The following CFAP299 variants were observed in gnomAD, a reference collection of about 807,000 sequenced individuals.
CFAP299 encodes the protein cilia- and flagella-associated protein 299.
Under a neutral mutation model 27.0 loss-of-function variants are expected in CFAP299, and 21 were observed. The observed-to-expected ratio is 0.78, with a 90% CI of 0.55 to 1.12. CFAP299 has a LOEUF of 1.12. Among genes scored for constraint, CFAP299 ranks in the 50% most tolerant of loss-of-function variants. CFAP299 has a pLI of 0.00. For missense variants in CFAP299, 310 were observed against 276.6 expected (o/e 1.12, Z -0.86); for synonymous variants, 104 against 98.1 (o/e 1.06, Z -0.36).
chr4:80,680,139 T>C (rs1017790062), intron 3 of CFAP299, among the ~76,000 whole-genome samples: 3 of 152,066 alleles, frequency 2.0e-5, no homozygotes, highest in African/African-American at 7.2e-5. Flanking sequence ...AGAAGTCAAC[T>C]CTCATTTAAA....
intron 4 of CFAP299, among the ~76,000 whole-genome samples, chr4:80,938,348 C>A (rs953433626): frequency 6.6e-6 from 1 of 152,178 alleles, no homozygotes; most frequent in African/African-American, 2.4e-5. Context: ...ACCTGGCCCA[C>A]CCAGGGCGGA....
intron 3 of CFAP299, among the ~76,000 whole-genome samples, chr4:80,726,875 G>A (rs1398180077): frequency 6.6e-6 from 1 of 151,642 alleles, no homozygotes; most frequent in East Asian, 1.9e-4. Context: ...TTGGATACAG[G>A]TATGTGTTTA....
At chr4:80,676,728 A>G (rs1380665400) in intron 3 of CFAP299, among the ~76,000 whole-genome samples, 5 of 152,122 alleles carry the variant, frequency 3.3e-5, no homozygotes, top group South Asian at 2.1e-4. Flanking sequence ...AGGTTTTCCA[A>G]TGTATTGGCA....
chr4:80,951,422 A>G (rs1227552696), intron 5 of CFAP299, among the ~76,000 whole-genome samples: 1 of 152,218 alleles, frequency 6.6e-6, no homozygotes, highest in Non-Finnish European at 1.5e-5. Flanking sequence ...TATTAAGCCC[A>G]GACTCCTCTA....
intron 3 of CFAP299, among the ~76,000 whole-genome samples, chr4:80,669,474 G>C (rs554965710): frequency 4.6e-5 from 7 of 151,372 alleles, no homozygotes; most frequent in Non-Finnish European, 8.8e-5. Flanking sequence ...TTCTTTTTCA[G>C]ATTGTTTGCT....
rs890299709 is a variant in CFAP299, at chr4:80,390,810, T to C, written c.242+27926T>C. 3.6e-5 allele frequency among the ~76,000 whole-genome samples: 5 copies of C among 138,048 alleles called. No homozygotes were observed. In the East Asian group the frequency reaches 6.7e-4, roughly 18 times the overall value. 90.6% of individuals were successfully genotyped at this position (138,048 alleles called of 152,430 possible). A position where few individuals can be genotyped will look rare whatever the true frequency, so the allele number is the denominator to read the frequency against. On this transcript the variant is annotated intron_variant, in intron 2 of 5. Coordinates refer to ENST00000358105, the MANE Select transcript of CFAP299 (RefSeq NM_152770.3). ...ACATATATGTATATGTATATATGTA[T>C]ACACACATATATGTATATGTATATA... is the stretch of plus-strand genomic sequence containing the variant.
At chr4:80,954,404 A>G (rs1243945386) in intron 5 of CFAP299, among the ~76,000 whole-genome samples, 1 of 152,222 alleles carries the variant, frequency 6.6e-6, no homozygotes. Context: ...GAATTTTATT[A>G]GAATATGGAA....
intron 2 of CFAP299, among the ~76,000 whole-genome samples, chr4:80,420,624 T>C (rs775256225): frequency 6.6e-6 from 1 of 152,194 alleles, no homozygotes; most frequent in African/African-American, 2.4e-5. Context: ...TTATTTGTTT[T>C]CTTTTTATGG....
At chr4:80,687,709 TC>T (rs1720299510) in intron 3 of CFAP299, among the ~76,000 whole-genome samples, 1 of 152,160 alleles carries the variant, frequency 6.6e-6, no homozygotes, top group South Asian at 2.1e-4. Flanking sequence ...TAGGAACAGC[TC>T]CGGTCTACAG....
intron 3 of CFAP299, among the ~76,000 whole-genome samples, chr4:80,784,105 G>C (rs375368647): frequency 2.0e-5 from 3 of 152,196 alleles, no homozygotes; most frequent in South Asian, 4.1e-4. Flanking sequence ...TTCCATTTGT[G>C]TGTATTATAT....
At position 80,707,443 on chromosome 4, in the gene CFAP299, G is replaced by A. The variant is rs139485768; in HGVS notation, c.333+124260G>A. ...GCTGTTTATGCACTAGAATGACAAT[G>A]TTAAGAAACCACCACTGAGACCATA... On this transcript the variant is annotated intron_variant, in intron 3 of 5. Coordinates refer to ENST00000358105, the MANE Select transcript of CFAP299 (RefSeq NM_152770.3). Among the ~76,000 whole-genome samples the A allele has an allele frequency of 4.2e-3, 646 of 152,030 alleles. 1 individual carries two copies. Among genetic ancestry groups the A allele is most frequent in the African/African-American group, 0.015 (621 of 41,486 alleles).
At chr4:80,643,483 G>T (rs1739831463) in intron 3 of CFAP299, among the ~76,000 whole-genome samples, 1 of 152,166 alleles carries the variant, frequency 6.6e-6, no homozygotes, top group Admixed American at 6.5e-5. Flanking sequence ...GGATTAAATT[G>T]CAGGATAGTT....
chr4:80,961,206 TGTTA>T (rs770491360), intron 5 of CFAP299, among the ~76,000 whole-genome samples: 3 of 151,728 alleles, frequency 2.0e-5, no homozygotes, highest in Non-Finnish European at 4.4e-5. Flanking sequence ...GTAGGCATAT[TGTTA>T]GTTAGTAGAC....
chr4:80,616,228 G>A (rs1450012396), intron 3 of CFAP299, among the ~76,000 whole-genome samples: 1 of 151,970 alleles, frequency 6.6e-6, no homozygotes, highest in Non-Finnish European at 1.5e-5. Context: ...ACTCTTCCTT[G>A]TGATCCCAGG....
intron 1 of CFAP299, among the ~76,000 whole-genome samples, chr4:80,351,851 A>G (rs962059806): frequency 6.7e-6 from 1 of 150,368 alleles, no homozygotes; most frequent in Non-Finnish European, 1.5e-5. Context: ...TAATGTTAAT[A>G]CATTAAATTG....
At chr4:80,494,454 C>T (rs1731329814) in intron 2 of CFAP299, among the ~76,000 whole-genome samples, 1 of 152,190 alleles carries the variant, frequency 6.6e-6, no homozygotes, top group Non-Finnish European at 1.5e-5. Context: ...CTTTTCTTGG[C>T]TTCCTGTTAT....
At chr4:80,873,589 T>TA (rs1028706534) in intron 4 of CFAP299, among the ~76,000 whole-genome samples, 1 of 152,192 alleles carries the variant, frequency 6.6e-6, no homozygotes, top group Admixed American at 6.5e-5. Context: ...GAGGAAAAGA[T>TA]AAAGAGTAAA....
intron 2 of CFAP299, among the ~76,000 whole-genome samples, chr4:80,575,571 T>G (rs1182045857): frequency 6.6e-6 from 1 of 152,014 alleles, no homozygotes; most frequent in East Asian, 1.9e-4. Context: ...GTTTGCTGAT[T>G]GTATCTTTTC....
chr4:80,559,481 C>T (rs780682372), intron 2 of CFAP299, among the ~76,000 whole-genome samples: 2 of 152,104 alleles, frequency 1.3e-5, no homozygotes, highest in Non-Finnish European at 2.9e-5. Flanking sequence ...TAACAACTAC[C>T]TCCACAGAAA....
Sources: gnomAD v4.1 joint callset for allele counts (sites outside exome capture counted in the v4.1 genomes callset) on GRCh38, gnomAD v4.1.1 for gene constraint, MANE v1.5 for transcripts, NCBI Gene and HGNC (gene_info 2026-07-23, HGNC 2026-07-21) for gene names.